RRN3: variants seen among roughly 807,000 people sequenced by gnomAD.
RRN3 encodes the protein RNA polymerase I transcription factor RRN3.
In RRN3, 38 loss-of-function variants were observed where a neutral mutation model predicts 82.3. That is an observed-to-expected ratio of 0.46 (90% CI 0.36 to 0.61). RRN3 has a LOEUF of 0.61. Among genes scored for constraint, RRN3 ranks in the 20% least tolerant of loss-of-function variants. RRN3 has a pLI of 0.00. For synonymous variants in RRN3, 284 were observed against 284.3 expected, an observed-to-expected ratio of 1.00 and a Z score of 0.01; for missense variants, 726 against 793.1, an observed-to-expected ratio of 0.92 and a Z score of 1.02.
chr16:15,094,120 C>G (rs763302778), intron 1 of RRN3, 25 bp downstream of exon 1: 1 of 1,574,762 alleles, frequency 6.4e-7, no homozygotes, highest in Non-Finnish European at 8.6e-7. Flanking sequence ...CCCAGATACG[C>G]AGAAGGAAGC....
intron 9 of RRN3, 89 bp from the exon 10 acceptor site, chr16:15,076,739 T>A: frequency 1.1e-6 from 1 of 876,250 alleles, no homozygotes; most frequent in East Asian, 2.6e-5. Flanking sequence ...GATATACGCA[T>A]GTTCAAGGTG....
chr16:15,083,818 G>A (rs1358256712), intron 7 of RRN3: 4 of 408,160 alleles, frequency 9.8e-6, no homozygotes, highest in East Asian at 1.2e-4. Flanking sequence ...CCAGGTTCAA[G>A]CGATTCTCCT....
intron 11 of RRN3, among the ~76,000 whole-genome samples, chr16:15,074,081 T>G (rs951063090): frequency 2.6e-5 from 4 of 152,212 alleles, no homozygotes; most frequent in Non-Finnish European, 4.4e-5. Flanking sequence ...ACAATGGTTC[T>G]CTGAAGAGTA....
chr16:15,089,539 G>T (rs1008752254), intron 3 of RRN3, among the ~76,000 whole-genome samples: 2 of 152,066 alleles, frequency 1.3e-5, no homozygotes, highest in African/African-American at 2.4e-5. Flanking sequence ...GGTTACTCAC[G>T]CCTCTAATCC....
intron 14 of RRN3, 129 bp from the exon 15 acceptor site, chr16:15,068,406 A>C (rs2045071884): frequency 8.1e-7 from 1 of 1,238,006 alleles, no homozygotes; most frequent in Non-Finnish European, 1.1e-6. Flanking sequence ...AAATGCTTTA[A>C]ATAAAGGTCC....
In RRN3 at chr16:15,072,952, A is replaced by G. The variant is rs72774849; in HGVS notation, c.1126T>C (p.Leu376=). The change falls in exon 12 of 18, where the codon TTG becomes CTG. Residue 376 remains leucine, a splice_region_variant and synonymous_variant. Transcript: ENST00000198767. The stretch of plus-strand genomic sequence containing the variant: ...ATGTTAATCACATTCTTACTCACCA[A>G]TTTGAAACTACAGAGGTAAAACATG... ...FFMFYLCSFK[L]GFAEAFLEHL... 0.015 allele frequency: 24,275 copies of G among 1,613,190 alleles called. 225 individuals carry two copies. Among genetic ancestry groups the G allele is most frequent in the Middle Eastern group, 0.024 (143 of 6,060 alleles).
rs2045209372 is a variant in RRN3, at chr16:15,071,162, A to G, written c.1218T>C (p.Tyr406=). Residue 406 remains tyrosine (Y), a synonymous_variant, in exon 13 of 18, where the codon TAT becomes TAC. Transcript: ENST00000198767. ...PAIIRQAAGN[Y]IGSFLARAKF... ...TAGCTCTTGCCAAAAAGCTTCCAATATAATTTCCAGCAGCCTGCCTGATGA... is the reference window on the plus strand; with the variant it reads ...TAGCTCTTGCCAAAAAGCTTCCAATGTAATTTCCAGCAGCCTGCCTGATGA... The G allele has an allele frequency of 6.2e-7, 1 of 1,610,330 alleles. No homozygotes were observed. Among genetic ancestry groups the G allele is most frequent in the Non-Finnish European group, 8.5e-7 (1 of 1,179,394 alleles).
Position 15,061,781 on chromosome 16 carries a change from G to C in RRN3, c.1919C>G (p.Ser640Cys). ...HFRSPSSSVG[S>C]PPVLYMQPSP... is the part of the protein sequence containing the mutation. ...GGGTTGCATGTACAACACGGGTGGG[G>C]AGCCCACACTACTTGAAGGACTTCG... The change falls in exon 18 of 18, where the codon TCC becomes TGC. Residue 640 changes from serine (S) to cysteine (C), a missense_variant. By Grantham distance (112) the Ser-to-Cys change is moderately radical. This residue lies in a region of RRN3 where 166 missense variants were observed against 154.8 expected (regional missense o/e 1.07). Coordinates refer to ENST00000198767, the MANE Select transcript of RRN3 (RefSeq NM_018427.5). The C allele has an allele frequency of 6.2e-7, 1 of 1,614,028 alleles. No individual in the cohort carries two copies. The highest frequency in any genetic ancestry group is 8.5e-7 in the Non-Finnish European group (1 of 1,179,858).
intron 15 of RRN3, 112 bp from the exon 16 acceptor site, chr16:15,065,483 A>C (rs2044930665): frequency 1.3e-6 from 1 of 774,210 alleles, no homozygotes; most frequent in Non-Finnish European, 2.1e-6. Flanking sequence ...TGCTGAATAT[A>C]ACAAGTGCTA....
chr16:15,085,834 G>C (rs931284432), intron 5 of RRN3, 136 bp from the exon 6 acceptor site: 3 of 1,285,766 alleles, frequency 2.3e-6, no homozygotes, highest in African/African-American at 3.0e-5. Flanking sequence ...TTAGCCCAAT[G>C]ATTAATTAAA....
At chr16:15,082,395 G>A (rs1040294359) in intron 8 of RRN3, among the ~76,000 whole-genome samples, 6 of 151,984 alleles carry the variant, frequency 3.9e-5, no homozygotes, top group South Asian at 2.1e-4. Flanking sequence ...AATCTCGGCC[G>A]GTCACGGTGG....
chr16:15,088,272 T>C (rs1226480874), intron 3 of RRN3, among the ~76,000 whole-genome samples: 1 of 152,056 alleles, frequency 6.6e-6, no homozygotes, highest in Admixed American at 6.6e-5. Context: ...GCCCAGGAAT[T>C]TGAGACCAGC....
In RRN3 at chr16:15,060,427, T is replaced by C. The variant is rs1427268467; in HGVS notation, c.*1317A>G. 1 of 167,872 alleles carries C rather than the reference T, an allele frequency of 6.0e-6. No homozygotes were observed. 10.4% of individuals were successfully genotyped at this position (167,872 alleles called of 1,614,324 possible). A position where few individuals can be genotyped will look rare whatever the true frequency, so the allele number is the denominator to read the frequency against. ...AACTCTACATTGCCATCAATGTAAT[T>C]ATACAAGTGCATACAAAGCCCTGGA... On this transcript the variant is annotated 3_prime_UTR_variant, in exon 18 of 18. Transcript: ENST00000198767.
At chr16:15,064,685 G>A (rs1053071436) in intron 16 of RRN3, among the ~76,000 whole-genome samples, 8 of 152,178 alleles carry the variant, frequency 5.3e-5, no homozygotes, top group Admixed American at 2.0e-4. Context: ...GGCTCCTAGT[G>A]AGGCAAAGAT....
At chr16:15,072,889 G>T in intron 12 of RRN3, 61 bp downstream of exon 12, 1 of 1,576,194 alleles carries the variant, frequency 6.3e-7, no homozygotes. Flanking sequence ...CCAGTTTTTA[G>T]GGAAAATTTT....
chr16:15,063,200 T>C lies in RRN3; in HGVS notation c.1790A>G (p.Lys597Arg). ...CTCAATCAATCACAAACTGACCTTT[T>C]TCATGGGTTTCTTGAACTCCTGTAG... is the stretch of plus-strand genomic sequence containing the variant. Reference protein sequence around the residue: ...EELQEFKKPMKKDIVEDEDDD... With the variant: ...EELQEFKKPMRKDIVEDEDDD... Residue 597 changes from lysine to arginine, a missense_variant, in exon 17 of 18, where the codon AAA (lysine) becomes AGA (arginine). Coordinates refer to ENST00000198767, the MANE Select transcript of RRN3 (RefSeq NM_018427.5). 6.2e-7 allele frequency: 1 copy of C among 1,603,986 alleles called. No individual in the cohort carries two copies. Among genetic ancestry groups the C allele is most frequent in the Non-Finnish European group, 8.5e-7 (1 of 1,170,744 alleles).
At chr16:15,067,764 T>A (rs1345732272) in intron 15 of RRN3, among the ~76,000 whole-genome samples, 1 of 152,070 alleles carries the variant, frequency 6.6e-6, no homozygotes, top group African/African-American at 2.4e-5. Flanking sequence ...TGGGTTGTTT[T>A]TGTTTGTTTA....
intron 9 of RRN3, among the ~76,000 whole-genome samples, chr16:15,078,905 G>A (rs1169546632): frequency 3.3e-5 from 5 of 150,004 alleles, no homozygotes; most frequent in Admixed American, 6.7e-5. Flanking sequence ...TCCACCTCCC[G>A]GATTCACACC....
rs377146406 is a variant in RRN3, at chr16:15,076,600, T to C, written c.816A>G (p.Gln272=). 3.1e-6 allele frequency: 5 copies of C among 1,613,518 alleles called. No homozygotes were observed. The African/African-American group carries it at 4.0e-5, about 13-fold the overall frequency. The stretch of plus-strand genomic sequence containing the variant: ...CCGTGGAATCTGTCCCACCACAAGT[T>C]TGAGTTGCTGTTTCTTCAGCATCTT... ...GIEDAEETAT[Q]TCGGTDSTEG... is the part of the protein sequence containing the mutation. Residue 272 remains glutamine, a synonymous_variant, in exon 10 of 18, where the codon CAA becomes CAG. Coordinates refer to ENST00000198767, the MANE Select transcript of RRN3 (RefSeq NM_018427.5).
Sources: gnomAD v4.1 joint callset for allele counts (sites outside exome capture counted in the v4.1 genomes callset) on GRCh38, gnomAD v4.1.1 for gene constraint, gnomAD v4.1.1 regional missense constraint, MANE v1.5 for transcripts, NCBI Gene and HGNC (gene_info 2026-07-23, HGNC 2026-07-21) for gene names.